The following ATRNL1 variants were observed in gnomAD, a reference collection of about 807,000 sequenced individuals.
ATRNL1 encodes attractin-like protein 1.
In ATRNL1, 95 loss-of-function variants were observed where a neutral mutation model predicts 182.7. That is an observed-to-expected ratio of 0.52 (90% CI 0.44 to 0.62). ATRNL1 has a LOEUF of 0.62. Among genes scored for constraint, ATRNL1 ranks in the 20% least tolerant of loss-of-function variants. The pLI is 0.00. For missense variants in ATRNL1, 1,471 were observed against 1,679.5 expected, an observed-to-expected ratio of 0.88 and a Z score of 2.17; for synonymous variants, 576 against 568.3, an observed-to-expected ratio of 1.01 and a Z score of -0.19.
intron 28 of ATRNL1, among the ~76,000 whole-genome samples, chr10:115,849,210 T>G (rs1321889641): frequency 2.6e-5 from 4 of 152,208 alleles, no homozygotes; most frequent in African/African-American, 9.6e-5. Flanking sequence ...AATAAACATT[T>G]TCTGCACCTT....
At chr10:115,850,920 C>T (rs1555100320) in intron 28 of ATRNL1, among the ~76,000 whole-genome samples, 1 of 152,122 alleles carries the variant, frequency 6.6e-6, no homozygotes, top group Non-Finnish European at 1.5e-5. Flanking sequence ...CTGACCCCAA[C>T]CCCACTGTGT....
intron 10 of ATRNL1, among the ~76,000 whole-genome samples, chr10:115,261,750 T>C (rs1851400628): frequency 6.6e-6 from 1 of 152,050 alleles, no homozygotes; most frequent in Non-Finnish European, 1.5e-5. Context: ...GAACATTAGC[T>C]GAGTGTGGTG....
chr10:115,424,193 C>T (rs1489533047), intron 20 of ATRNL1, among the ~76,000 whole-genome samples: 2 of 152,082 alleles, frequency 1.3e-5, no homozygotes, highest in Admixed American at 1.3e-4. Context: ...CAACGTCACT[C>T]ATCATTAGGA....
At chr10:115,465,834 T>C (rs1848028276) in intron 22 of ATRNL1, among the ~76,000 whole-genome samples, 2 of 151,560 alleles carry the variant, frequency 1.3e-5, no homozygotes, top group Non-Finnish European at 3.0e-5. Context: ...CAAATTTTAT[T>C]TTACATGCTC....
At chr10:115,094,310 C>T (rs2084957745) in intron 1 of ATRNL1, among the ~76,000 whole-genome samples, 7 of 152,138 alleles carry the variant, frequency 4.6e-5, no homozygotes, top group Admixed American at 4.6e-4. Flanking sequence ...ATGTCCGCAG[C>T]GACTTCTGAT....
chr10:115,466,779 T>C (rs1312429728), intron 22 of ATRNL1, among the ~76,000 whole-genome samples: 1 of 151,234 alleles, frequency 6.6e-6, no homozygotes, highest in Non-Finnish European at 1.5e-5. Context: ...AATAATCTTA[T>C]ATTGTTATAA....
At chr10:115,637,235 C>T (rs1307732771) in intron 26 of ATRNL1, among the ~76,000 whole-genome samples, 1 of 152,096 alleles carries the variant, frequency 6.6e-6, no homozygotes, top group Non-Finnish European at 1.5e-5. Flanking sequence ...CCACACAAGT[C>T]CTTTAGGAAG....
chr10:115,877,817 A>T (rs188938143), intron 28 of ATRNL1, among the ~76,000 whole-genome samples: 1 of 152,346 alleles, frequency 6.6e-6, no homozygotes, highest in Admixed American at 6.5e-5. Flanking sequence ...CAGATTTCAC[A>T]TATATTTTAT....
chr10:115,893,100 T>C (rs1952119830), intron 28 of ATRNL1, among the ~76,000 whole-genome samples: 1 of 152,160 alleles, frequency 6.6e-6, no homozygotes, highest in Non-Finnish European at 1.5e-5. Context: ...GTAGAGGCCA[T>C]GGGCTTGGCA....
intron 24 of ATRNL1, among the ~76,000 whole-genome samples, chr10:115,501,487 T>A (rs1437864389): frequency 2.0e-5 from 3 of 152,168 alleles, no homozygotes; most frequent in Non-Finnish European, 4.4e-5. Context: ...AGAAAGTACA[T>A]CATTCCTGTT....
intron 19 of ATRNL1, among the ~76,000 whole-genome samples, chr10:115,351,739 C>T (rs61880847): frequency 9.1e-5 from 4 of 43,734 alleles, no homozygotes; most frequent in Non-Finnish European, 3.3e-4. Context: ...GTTTTCTTTT[C>T]TTGTGTTTTG....
At chr10:115,936,062 C>T (rs899140723) in intron 28 of ATRNL1, among the ~76,000 whole-genome samples, 7 of 152,170 alleles carry the variant, frequency 4.6e-5, no homozygotes, top group African/African-American at 1.7e-4. Flanking sequence ...ATAATTGTTT[C>T]CTTACACGGC....
At chr10:115,406,926 C>A (rs1844860710) in intron 20 of ATRNL1, among the ~76,000 whole-genome samples, 1 of 152,030 alleles carries the variant, frequency 6.6e-6, no homozygotes, top group South Asian at 2.1e-4. Context: ...AAAATTCTTT[C>A]TGTTCTCCAT....
intron 24 of ATRNL1, among the ~76,000 whole-genome samples, chr10:115,489,858 G>A (rs970416290): frequency 2.0e-5 from 3 of 152,124 alleles, no homozygotes; most frequent in Admixed American, 6.5e-5. Context: ...TGCAGTGGCC[G>A]GTACCAGTCA....
intron 27 of ATRNL1, among the ~76,000 whole-genome samples, chr10:115,777,331 T>C (rs1555078215): frequency 6.6e-6 from 1 of 152,132 alleles, no homozygotes; most frequent in East Asian, 1.9e-4. Flanking sequence ...ATAAAGTATT[T>C]ATATAGCTTC....
intron 21 of ATRNL1, among the ~76,000 whole-genome samples, chr10:115,434,487 T>G (rs945372545): frequency 6.6e-6 from 1 of 152,118 alleles, no homozygotes; most frequent in East Asian, 1.9e-4. Flanking sequence ...TTCAACCCTC[T>G]TAACCATTAA....
intron 26 of ATRNL1, among the ~76,000 whole-genome samples, chr10:115,633,380 T>C (rs947323099): frequency 5.3e-5 from 8 of 152,362 alleles, no homozygotes; most frequent in African/African-American, 1.9e-4. Flanking sequence ...TTTGATTGTT[T>C]GGGACTTGTC....
rs371973911 is a variant in ATRNL1 at position 115,350,565 on chromosome 10, T to C, written c.3175+16146T>C. On this transcript the variant is annotated intron_variant, in intron 19 of 28. Coordinates refer to ENST00000355044, the MANE Select transcript of ATRNL1 (RefSeq NM_207303.4). ...CCCAGTGTATGTTCTTGGCACCTTC[T>C]TTGAAAATGAGTTGTTTATAAGTGT... 8.1e-4 allele frequency among the ~76,000 whole-genome samples: 124 copies of C among 152,228 alleles called. 2 individuals carry two copies. In the South Asian group the frequency reaches 0.025, roughly 31 times the overall value.
intron 10 of ATRNL1, among the ~76,000 whole-genome samples, chr10:115,244,565 TATA>T (rs1462509165): frequency 6.6e-6 from 1 of 152,218 alleles, no homozygotes; most frequent in Non-Finnish European, 1.5e-5. Flanking sequence ...ATAGGTTGAG[TATA>T]ACACATAGCA....
Sources: gnomAD v4.1 joint callset for allele counts (sites outside exome capture counted in the v4.1 genomes callset) on GRCh38, gnomAD v4.1.1 for gene constraint, MANE v1.5 for transcripts, NCBI Gene and HGNC (gene_info 2026-07-23, HGNC 2026-07-21) for gene names.